Variants in FGF2 observed in about 807,000 individuals in gnomAD.
FGF2 encodes the protein fibroblast growth factor 2, also known as basic fibroblast growth factor bFGF.
Under a neutral mutation model 15.9 loss-of-function variants are expected in FGF2, and 13 were observed. The ratio of observed to expected loss-of-function variants is 0.82; its 90% CI spans 0.53 to 1.30. The LOEUF is 1.30. Ranked by LOEUF, FGF2 falls within the 50% of genes most tolerant of loss-of-function variation. The pLI is 0.00. For missense variants in FGF2, 163 were observed against 196.9 expected, an observed-to-expected ratio of 0.83 and a Z score of 1.03; for synonymous variants, 90 against 78.4, an observed-to-expected ratio of 1.15 and a Z score of -0.78.
At chr4:122,859,274 T>C (rs1263033752) in intron 1 of FGF2, among the ~76,000 whole-genome samples, 1 of 152,166 alleles carries the variant, frequency 6.6e-6, no homozygotes, top group East Asian at 1.9e-4. Context: ...TAGAATAGTT[T>C]CCTGACACAT....
At chr4:122,826,747 G>A (rs1018469737), upstream of FGF2, 1 of 1,283,896 alleles carries the variant, frequency 7.8e-7, no homozygotes, top group Non-Finnish European at 9.9e-7. Context: ...GCGGCGCGCA[G>A]GAGGGAGGAG....
In FGF2 at chr4:122,897,599, A is replaced by T; in HGVS notation, c.*5203A>T. 6.7e-7 allele frequency: 1 copy of T among 1,498,244 alleles called. No homozygotes were observed. 92.8% of individuals were successfully genotyped at this position (1,498,244 alleles called of 1,614,324 possible). ...TTAATTTCCTCAACATTTTTAAGCC[A>T]ATTAAAAATATAAAAGATACACACC... On this transcript the variant is annotated 3_prime_UTR_variant, in exon 3 of 3. Transcript: ENST00000644866.
chr4:122,861,195 A>C (rs1473860597), intron 1 of FGF2, among the ~76,000 whole-genome samples: 2 of 152,150 alleles, frequency 1.3e-5, no homozygotes, highest in Non-Finnish European at 2.9e-5. Context: ...CCCTGTAGGG[A>C]TTAGGCACAG....
At chr4:122,833,984 G>A (rs1382285335) in intron 1 of FGF2, among the ~76,000 whole-genome samples, 1 of 152,158 alleles carries the variant, frequency 6.6e-6, no homozygotes, top group East Asian at 1.9e-4. Context: ...TTTTTATCAT[G>A]TACTATTGTT....
At chr4:122,884,618 G>C (rs892311788) in intron 2 of FGF2, 1 of 152,128 alleles carries the variant, frequency 6.6e-6, no homozygotes, top group Admixed American at 6.5e-5. Context: ...CTCAGAAGTG[G>C]TATAAGCAAA....
At chr4:122,849,880 T>A (rs537911013) in intron 1 of FGF2, among the ~76,000 whole-genome samples, 15 of 152,326 alleles carry the variant, frequency 9.8e-5, no homozygotes, top group Admixed American at 7.8e-4. Context: ...GACCTCATAT[T>A]GCTAATAACA....
At chr4:122,833,447 TTA>T (rs1179159587) in intron 1 of FGF2, among the ~76,000 whole-genome samples, 1 of 140,630 alleles carries the variant, frequency 7.1e-6, no homozygotes, top group Non-Finnish European at 1.5e-5. Flanking sequence ...AAACTTGTAA[TTA>T]AATGATAACT....
chr4:122,868,728 C>T (rs1397735612), intron 1 of FGF2, among the ~76,000 whole-genome samples: 1 of 152,168 alleles, frequency 6.6e-6, no homozygotes, highest in Non-Finnish European at 1.5e-5. Context: ...ATTTACATTC[C>T]CACCAACGGT....
intron 1 of FGF2, among the ~76,000 whole-genome samples, chr4:122,844,592 TTCCTTCCTTCCTTC>T (rs1726068631): frequency 7.9e-6 from 1 of 126,502 alleles, no homozygotes. Context: ...TCTTTCTTCC[TTCCTTCCTTCCTTC>T]CTTCCTTCCT....
At chr4:122,830,816 C>CAAAAA (rs35597051) in intron 1 of FGF2, among the ~76,000 whole-genome samples, 1,099 of 92,758 alleles carry the variant, frequency 0.012, 49 homozygotes, top group Admixed American at 0.055. Flanking sequence ...CTCTTATTTA[C>CAAAAA]AAAAAAAAAA....
At chr4:122,834,054 G>A (rs1335546858) in intron 1 of FGF2, among the ~76,000 whole-genome samples, 1 of 152,182 alleles carries the variant, frequency 6.6e-6, no homozygotes, top group Non-Finnish European at 1.5e-5. Flanking sequence ...AGACACTTTG[G>A]AGGGTGAGGG....
At chr4:122,834,250 G>T (rs755969280) in intron 1 of FGF2, among the ~76,000 whole-genome samples, 2 of 152,232 alleles carry the variant, frequency 1.3e-5, no homozygotes, top group African/African-American at 2.4e-5. Flanking sequence ...CCAGTGTGCA[G>T]GCCATTTGGA....
intron 1 of FGF2, among the ~76,000 whole-genome samples, chr4:122,847,751 A>T (rs1726146231): frequency 6.6e-6 from 1 of 152,192 alleles, no homozygotes; most frequent in Non-Finnish European, 1.5e-5. Flanking sequence ...AGCAGTCTGG[A>T]GACCCAGGGC....
At chr4:122,869,637 T>A (rs995136538) in intron 1 of FGF2, among the ~76,000 whole-genome samples, 28 of 152,206 alleles carry the variant, frequency 1.8e-4, no homozygotes, top group African/African-American at 6.5e-4. Flanking sequence ...GCTCTCTGCT[T>A]GTCTATTGTT....
chr4:122,878,198 A>G (rs1398789403), intron 2 of FGF2, among the ~76,000 whole-genome samples: 1 of 152,242 alleles, frequency 6.6e-6, no homozygotes, highest in Non-Finnish European at 1.5e-5. Flanking sequence ...GCATACATGC[A>G]TAGTAATATA....
At chr4:122,871,204 T>G (rs1726723493) in intron 1 of FGF2, among the ~76,000 whole-genome samples, 1 of 152,176 alleles carries the variant, frequency 6.6e-6, no homozygotes, top group South Asian at 2.1e-4. Context: ...TGATTTCAGT[T>G]CTTTTGCATT....
At chr4:122,866,185 C>CG (rs1553948955) in intron 1 of FGF2, among the ~76,000 whole-genome samples, 1 of 151,862 alleles carries the variant, frequency 6.6e-6, no homozygotes, top group Non-Finnish European at 1.5e-5. Flanking sequence ...CTGGCTAACA[C>CG]ATGAAACCCC....
chr4:122,852,790 A>G (rs1726262177), intron 1 of FGF2, among the ~76,000 whole-genome samples: 1 of 152,126 alleles, frequency 6.6e-6, no homozygotes, highest in African/African-American at 2.4e-5. Context: ...TTCCATCCTC[A>G]TGGCCACCAT....
intron 1 of FGF2, among the ~76,000 whole-genome samples, chr4:122,874,808 C>T (rs1007384646): frequency 2.6e-5 from 4 of 152,024 alleles, no homozygotes; most frequent in Admixed American, 1.3e-4. Context: ...GTTGCTTTTT[C>T]ATGCCGTTTC....
Sources: allele counts gnomAD v4.1 joint callset (sites outside exome capture counted in the v4.1 genomes callset), GRCh38; gene constraint gnomAD v4.1.1; transcripts MANE v1.5; gene names NCBI Gene and HGNC (gene_info 2026-07-23, HGNC 2026-07-21).